PIK3R6: variants seen among roughly 807,000 people sequenced by gnomAD.
PIK3R6 encodes phosphoinositide 3-kinase regulatory subunit 6.
Under a neutral mutation model 84.9 loss-of-function variants are expected in PIK3R6, and 91 were observed. That is an observed-to-expected ratio of 1.07 (90% CI 0.90 to 1.28). The LOEUF (loss-of-function observed/expected upper bound fraction) is 1.28, where lower values mean the gene tolerates loss of function less well. PIK3R6 is among the 50% of genes most tolerant of loss of function. PIK3R6 has a pLI of 0.00. For missense variants in PIK3R6, 996 were observed against 985.1 expected (o/e 1.01, Z -0.15); for synonymous variants, 416 against 411.4 (o/e 1.01, Z -0.13).
rs143682771 is a variant in PIK3R6 at position 8,836,443 on chromosome 17, C to T, written c.461+104G>A. ...ATGGCTGGGGAGGTCTGCTAGGGCT[C>T]TTCTTAATCCAGCCTCCTCTTTTGT... is the stretch of plus-strand genomic sequence containing the variant. On this transcript the variant is annotated intron_variant, in intron 7 of 19. Transcript: ENST00000619866. The T allele has an allele frequency of 4.7e-4, 594 of 1,276,002 alleles. 8 individuals are homozygous for T. In the East Asian group the frequency reaches 0.014, roughly 30 times the overall value. The allele number at this position is 1,276,002 out of a possible 1,614,324, so 79.0% of individuals were successfully genotyped here. A position where few individuals can be genotyped will look rare whatever the true frequency, so the allele number is the denominator to read the frequency against.
intron 18 of PIK3R6, among the ~76,000 whole-genome samples, chr17:8,809,266 C>T (rs2151176286): frequency 6.6e-6 from 1 of 152,196 alleles, no homozygotes; most frequent in African/African-American, 2.4e-5. Flanking sequence ...AAATTTGTCA[C>T]TACTAGACAG....
chr17:8,831,204 C>T (rs2088226688), intron 9 of PIK3R6, among the ~76,000 whole-genome samples: 1 of 148,776 alleles, frequency 6.7e-6, no homozygotes, highest in Admixed American at 6.7e-5. Context: ...GTGGCACGTG[C>T]CTGTGGTCCC....
intron 2 of PIK3R6, among the ~76,000 whole-genome samples, chr17:8,846,406 T>C (rs1189727039): frequency 2.0e-5 from 3 of 152,188 alleles, no homozygotes; most frequent in African/African-American, 4.8e-5. Flanking sequence ...TGCCTCCAGC[T>C]TGGTTCTTTT....
intron 18 of PIK3R6, among the ~76,000 whole-genome samples, chr17:8,813,257 A>G (rs2087414754): frequency 6.7e-6 from 1 of 150,186 alleles, no homozygotes; most frequent in Non-Finnish European, 1.5e-5. Flanking sequence ...TAGTAATAAA[A>G]AAAACTCTCA....
rs112750429 is a variant in PIK3R6, at chr17:8,814,215, C to CTTTTTTTTTTTTT, written c.1995+4855_1995+4867dup. On this transcript the variant is annotated intron_variant, in intron 18 of 19. Coordinates refer to ENST00000619866, the MANE Select transcript of PIK3R6 (RefSeq NM_001010855.4). ...TCCACTCTTTAGTTCAGAGAGAGATCTTTTTTTTTTTTTTTTTTTTTTGAG... is the reference window on the plus strand; with the variant it reads ...TCCACTCTTTAGTTCAGAGAGAGATCTTTTTTTTTTTTTTTTTTTTTTTTTTTTTTTTTTTGAG... Among the ~76,000 whole-genome samples the CTTTTTTTTTTTTT allele has an allele frequency of 2.0e-3, 170 of 85,526 alleles. 19 individuals are homozygous for CTTTTTTTTTTTTT. Among genetic ancestry groups the CTTTTTTTTTTTTT allele is most frequent in the African/African-American group, 7.9e-3 (162 of 20,606 alleles). 56.1% of individuals were successfully genotyped at this position (85,526 alleles called of 152,430 possible).
intron 12 of PIK3R6, 61 bp downstream of exon 12, chr17:8,828,051 T>C: frequency 6.6e-7 from 1 of 1,512,850 alleles, no homozygotes. Context: ...GGGCTGCAGG[T>C]GTGTCCCTGC....
rs1255163174 is a variant in PIK3R6, at chr17:8,835,308, C to G, written c.610G>C (p.Ala204Pro). ...CTGTGCAGAGCGCCTGCGTGACAGG[C>G]CTCCCCCAGAGCCGCCTGCAGGGCG... ...SHALQAALGE[A>P]CHAGALHRKL... The change falls in exon 8 of 20, where the codon GCC (alanine) becomes CCC (proline). Residue 204 changes from alanine (A) to proline (P), a missense_variant. By Grantham distance (27) the Ala-to-Pro change is conservative. Transcript: ENST00000619866. 1 of 1,592,234 alleles carries G rather than the reference C, an allele frequency of 6.3e-7. No homozygotes were observed. The highest frequency in any genetic ancestry group is 1.1e-5 in the South Asian group (1 of 89,106).
intron 10 of PIK3R6, among the ~76,000 whole-genome samples, chr17:8,829,501 G>GAC (rs10608110): frequency 2.4e-5 from 3 of 123,112 alleles, no homozygotes; most frequent in East Asian, 2.6e-4. Context: ...CACACACACT[G>GAC]ACACACACTC....
chr17:8,805,739 A>G (rs1229484949), intron 18 of PIK3R6, among the ~76,000 whole-genome samples: 1 of 152,066 alleles, frequency 6.6e-6, no homozygotes, highest in East Asian at 1.9e-4. Flanking sequence ...AACATGGTGA[A>G]ACCCCATCTC....
chr17:8,843,868 T>C (rs2088753083), intron 2 of PIK3R6, among the ~76,000 whole-genome samples: 1 of 152,150 alleles, frequency 6.6e-6, no homozygotes, highest in African/African-American at 2.4e-5. Context: ...TTATATCCTC[T>C]GCCTGGCCCC....
rs112900663 is a variant in PIK3R6, at chr17:8,810,401, C to T, written c.1996-6248G>A. Among the ~76,000 whole-genome samples the T allele has an allele frequency of 1.7e-3, 245 of 147,938 alleles. 26 individuals are homozygous for T. Among genetic ancestry groups the T allele is most frequent in the African/African-American group, 5.7e-3 (227 of 39,640 alleles). On this transcript the variant is annotated intron_variant, in intron 18 of 19. Transcript: ENST00000619866. Reference sequence around the variant, plus strand: ...CCAAACCACATCATTCCACTGCTGGCGCCTCCCAAATCTCATGTCCTCACA... The same window carrying T: ...CCAAACCACATCATTCCACTGCTGGTGCCTCCCAAATCTCATGTCCTCACA...
intron 18 of PIK3R6, among the ~76,000 whole-genome samples, chr17:8,806,516 C>T (rs1294134617): frequency 1.3e-5 from 2 of 152,188 alleles, no homozygotes; most frequent in Admixed American, 1.3e-4. Context: ...ACCTGCTTGG[C>T]TTTGGCCCAT....
chr17:8,829,626 A>G (rs2088159499), intron 10 of PIK3R6, 80 bp downstream of exon 10: 5 of 1,385,136 alleles, frequency 3.6e-6, no homozygotes, highest in Middle Eastern at 1.8e-4. Flanking sequence ...ACGCATGCAC[A>G]CTGACACACA....
At chr17:8,834,061 G>T (rs1215778560) in intron 8 of PIK3R6, among the ~76,000 whole-genome samples, 1 of 151,002 alleles carries the variant, frequency 6.6e-6, no homozygotes, top group Middle Eastern at 3.2e-3. Context: ...AGAGGCTGAG[G>T]CAGGAGAATG....
chr17:8,833,478 G>A (rs1158864449), intron 8 of PIK3R6, among the ~76,000 whole-genome samples: 1 of 151,872 alleles, frequency 6.6e-6, no homozygotes, highest in Non-Finnish European at 1.5e-5. Context: ...TGTTCTAGGG[G>A]CTGGGATACA....
chr17:8,861,209 A>AAAGG (rs2089275107), intron 1 of PIK3R6, among the ~76,000 whole-genome samples: 1 of 151,764 alleles, frequency 6.6e-6, no homozygotes, highest in African/African-American at 2.4e-5. Context: ...AGAAAGAAAG[A>AAAGG]AAGCAGACGT....
chr17:8,807,304 C>T (rs1484926088), intron 18 of PIK3R6, among the ~76,000 whole-genome samples: 4 of 152,156 alleles, frequency 2.6e-5, no homozygotes, highest in Non-Finnish European at 5.9e-5. Context: ...AACAAACATC[C>T]GGTGAGGCCC....
chr17:8,856,009 A>G (rs148612423), intron 1 of PIK3R6, among the ~76,000 whole-genome samples: 45 of 152,314 alleles, frequency 3.0e-4, no homozygotes, highest in Non-Finnish European at 5.6e-4. Context: ...AAAGAGAACT[A>G]CGTGCAACGA....
At chr17:8,818,396 C>A (rs1425976786) in intron 18 of PIK3R6, among the ~76,000 whole-genome samples, 1 of 152,154 alleles carries the variant, frequency 6.6e-6, no homozygotes, top group Non-Finnish European at 1.5e-5. Context: ...CACCTGTAAT[C>A]CCAGCATTTT....
Sources: allele counts gnomAD v4.1 joint callset (sites outside exome capture counted in the v4.1 genomes callset), GRCh38; gene constraint gnomAD v4.1.1; transcripts MANE v1.5; gene names NCBI Gene and HGNC (gene_info 2026-07-23, HGNC 2026-07-21).